Variants in ITGAM observed in about 807,000 individuals in gnomAD.
ITGAM encodes integrin alpha-M.
In ITGAM, 79 loss-of-function variants were observed where a neutral mutation model predicts 137.5. That is an observed-to-expected ratio of 0.57 (90% confidence interval 0.48 to 0.69). The LOEUF (loss-of-function observed/expected upper bound fraction) is 0.69. Ranked by LOEUF, ITGAM falls within the 30% of genes least tolerant of loss-of-function variation. The pLI, the probability that ITGAM is intolerant of heterozygous loss-of-function variation, is 0.00. For synonymous variants in ITGAM, 583 were observed against 592.3 expected, an observed-to-expected ratio of 0.98 and a Z score of 0.23; for missense variants, 1,343 against 1,483.5, an observed-to-expected ratio of 0.91 and a Z score of 1.56.
chr16:31,302,486 TTTTCTTTC>T (rs2080216311), intron 14 of ITGAM, among the ~76,000 whole-genome samples: 3 of 115,192 alleles, frequency 2.6e-5, no homozygotes, highest in African/African-American at 1.0e-4. Context: ...TTTCTTTCTT[TTTTCTTTC>T]CTTCTTTCTT....
intron 12 of ITGAM, among the ~76,000 whole-genome samples, chr16:31,284,871 C>G (rs1316316002): frequency 3.3e-5 from 5 of 151,766 alleles, no homozygotes; most frequent in Non-Finnish European, 4.4e-5. Context: ...GCCTATAGTT[C>G]TTTAAAAAAA....
In ITGAM at chr16:31,321,498, G is replaced by C; in HGVS notation, c.1873G>C (p.Glu625Gln). The C allele has an allele frequency of 6.2e-7, 1 of 1,614,024 alleles. No individual in the cohort carries two copies. Among genetic ancestry groups the C allele is most frequent in the Non-Finnish European group, 8.5e-7 (1 of 1,179,888 alleles). ...QPVLRVKAIM[E>Q]FNPREVARNV... is the part of the protein sequence containing the mutation. ...AGTACTGAGAGTCAAGGCAATCATG[G>C]AGTTCAATCCCAGGGAAGTGGCAAG... Residue 625 changes from glutamate to glutamine, a missense_variant, in exon 16 of 30, where the codon GAG (glutamate) becomes CAG (glutamine). Physicochemically the swap from Glu to Gln is conservative, Grantham distance 29. Transcript: ENST00000544665.
rs779402079 is a variant in ITGAM, at chr16:31,330,117, C to T, written c.3013C>T (p.Pro1005Ser). 1.9e-6 allele frequency: 3 copies of T among 1,613,790 alleles called. No individual in the cohort carries two copies. The highest frequency in any genetic ancestry group is 2.2e-5 in the East Asian group (1 of 44,874). The change falls in exon 26 of 30, where the codon CCC becomes TCC. Residue 1005 changes from proline to serine, a missense_variant. By Grantham distance (74) the Pro-to-Ser change is moderately conservative (BLOSUM62 -1). Transcript: ENST00000544665. The stretch of plus-strand genomic sequence containing the variant: ...TACGTGCCACACCAAGGAGCGCTTG[C>T]CCTCTCACTCCGACTTTCTGGCTGA... ...SSTCHTKERL[P>S]SHSDFLAELR...
intron 14 of ITGAM, among the ~76,000 whole-genome samples, chr16:31,312,601 A>T (rs1048350900): frequency 2.6e-5 from 4 of 151,816 alleles, no homozygotes; most frequent in Non-Finnish European, 5.9e-5. Flanking sequence ...TAATATTTAA[A>T]TTTCTTTTGC....
At chr16:31,274,466 G>A (rs1014781497) in intron 8 of ITGAM, among the ~76,000 whole-genome samples, 1 of 152,178 alleles carries the variant, frequency 6.6e-6, no homozygotes, top group Non-Finnish European at 1.5e-5. Flanking sequence ...TGCGAGGTGT[G>A]AGTTCCAACA....
intron 5 of ITGAM, among the ~76,000 whole-genome samples, chr16:31,266,553 C>T (rs1193157330): frequency 6.8e-6 from 1 of 147,688 alleles, no homozygotes; most frequent in African/African-American, 2.6e-5. Flanking sequence ...AGATCCCCGT[C>T]TCTACAAAAA....
chr16:31,316,644 T>C (rs752010584), intron 14 of ITGAM, among the ~76,000 whole-genome samples: 3 of 152,202 alleles, frequency 2.0e-5, no homozygotes, highest in Non-Finnish European at 4.4e-5. Context: ...TTTCTATTTC[T>C]GTAAGAAATG....
At chr16:31,331,514 C>CAAA in intron 29 of ITGAM, 122 bp from the exon 30 acceptor site, 1 of 610,602 alleles carries the variant, frequency 1.6e-6, no homozygotes. Flanking sequence ...TGTCACTCCC[C>CAAA]TCCCGCCCCG....
In ITGAM at chr16:31,294,046, T is replaced by C. The variant is rs193200004; in HGVS notation, c.1357-3468T>C. On this transcript the variant is annotated intron_variant, in intron 12 of 29. Coordinates refer to ENST00000544665, the MANE Select transcript of ITGAM (RefSeq NM_000632.4). ...TGATTTGGCTCCCAGCTCTTGTTGGTGTATAGGAGTGCTAGTGATTTTTGT... is the reference window on the plus strand; with the variant it reads ...TGATTTGGCTCCCAGCTCTTGTTGGCGTATAGGAGTGCTAGTGATTTTTGT... Among the ~76,000 whole-genome samples, 10 of 152,256 alleles carry C rather than the reference T, an allele frequency of 6.6e-5. No individual in the cohort carries two copies. The East Asian group carries it at 1.9e-3, about 29-fold the overall frequency.
rs41468344 is a variant in ITGAM, at chr16:31,277,460, G to A, written c.1213+411G>A. ...CACAACCTCCGCCTCCCAGGTTCAA[G>A]CGATTCTCCTGCCTTAGCCTCCTGA... On this transcript the variant is annotated intron_variant, in intron 11 of 29. Transcript: ENST00000544665. Among the ~76,000 whole-genome samples, 1,277 of 151,970 alleles carry A rather than the reference G, an allele frequency of 8.4e-3. 14 individuals are homozygous for A. Among genetic ancestry groups the A allele is most frequent in the African/African-American group, 0.029 (1,207 of 41,422 alleles).
chr16:31,306,028 C>T (rs2080261333), intron 14 of ITGAM, among the ~76,000 whole-genome samples: 3 of 152,074 alleles, frequency 2.0e-5, no homozygotes, highest in South Asian at 4.1e-4. Context: ...GGAATAGTAT[C>T]ATATCATTGG....
At chr16:31,279,353 A>G (rs933412705) in intron 12 of ITGAM, among the ~76,000 whole-genome samples, 6 of 152,210 alleles carry the variant, frequency 3.9e-5, no homozygotes, top group African/African-American at 1.4e-4. Flanking sequence ...CAGTCCCACC[A>G]ACAGTGTAAA....
rs1193634359 is a variant in ITGAM at position 31,265,831 on chromosome 16, A to T, written c.259A>T (p.Met87Leu). The change falls in exon 4 of 30, where the codon ATG (methionine) becomes TTG (leucine). Residue 87 changes from methionine to leucine, a missense_variant. Transcript: ENST00000544665. ...RLQVPVEAVN[M>L]SLGLSLAATT... ...CGCAGTCCCCGTGGAGGCCGTGAAC[A>T]TGTCCCTGGGCCTGTCCCTGGCAGC... 6.2e-7 allele frequency: 1 copy of T among 1,613,794 alleles called. No homozygotes were observed. The highest frequency in any genetic ancestry group is 1.7e-5 in the Admixed American group (1 of 59,992).
intron 12 of ITGAM, 69 bp downstream of exon 12, chr16:31,278,178 G>A (rs756779060): frequency 1.1e-4 from 163 of 1,496,364 alleles, no homozygotes; most frequent in Non-Finnish European, 1.4e-4. Flanking sequence ...TTCCAGGAGG[G>A]GCATTCAGAT....
chr16:31,262,021 A>G (rs1293609724), intron 2 of ITGAM, among the ~76,000 whole-genome samples: 2 of 152,086 alleles, frequency 1.3e-5, no homozygotes, highest in African/African-American at 2.4e-5. Context: ...CCTTCCCAGG[A>G]GGGACCTCAC....
Position 31,330,418 on chromosome 16 carries a change from C to G in ITGAM, c.3171C>G (p.Ile1057Met). The G allele has an allele frequency of 6.2e-7, 1 of 1,612,854 alleles. No individual in the cohort carries two copies. Among genetic ancestry groups the G allele is most frequent in the Non-Finnish European group, 8.5e-7 (1 of 1,178,758 alleles). Reference protein sequence around the residue: ...LKGNLSFDWYIKTSHNHLLIV... With the variant: ...LKGNLSFDWYMKTSHNHLLIV... ...GCAACCTCTCGTTTGACTGGTACAT[C>G]AAGGTGTGTGGGGTCCTGAGGCTTC... Residue 1057 changes from isoleucine (I) to methionine (M), a missense_variant, in exon 27 of 30, where the codon ATC (isoleucine) becomes ATG (methionine). Transcript: ENST00000544665.
At chr16:31,318,337 G>T (rs2080413267) in intron 14 of ITGAM, among the ~76,000 whole-genome samples, 1 of 144,866 alleles carries the variant, frequency 6.9e-6, no homozygotes, top group African/African-American at 2.5e-5. Context: ...CTAAAAGCTT[G>T]TCAGTTCTTT....
chr16:31,265,527 T>G, intron 3 of ITGAM, 29 bp downstream of exon 3: 1 of 1,466,376 alleles, frequency 6.8e-7, no homozygotes, highest in Non-Finnish European at 9.4e-7. Flanking sequence ...GGGCTGGGAC[T>G]GGGATTCCCC....
Position 31,266,164 on chromosome 16 carries a change from A to G in ITGAM, c.427+17A>G, listed in dbSNP as rs368216627. ...CCCTCCGAGGTGGGTTGCCTTTGGCAGAGGGAACAGATGCGCAGCAAAAGA... is the reference window on the plus strand; with the variant it reads ...CCCTCCGAGGTGGGTTGCCTTTGGCGGAGGGAACAGATGCGCAGCAAAAGA... On this transcript the variant is annotated intron_variant, in intron 5 of 29. Transcript: ENST00000544665. 5.2e-6 allele frequency: 8 copies of G among 1,547,584 alleles called. No individual in the cohort carries two copies. In the African/African-American group the frequency reaches 5.4e-5, roughly 11 times the overall value.
Sources: allele counts gnomAD v4.1 joint callset (sites outside exome capture counted in the v4.1 genomes callset), GRCh38; gene constraint gnomAD v4.1.1; transcripts MANE v1.5; gene names NCBI Gene and HGNC (gene_info 2026-07-23, HGNC 2026-07-21).